Variants in ZNF280D observed in about 807,000 individuals in gnomAD.
The protein encoded by ZNF280D is zinc finger protein 280D.
In ZNF280D, 39 loss-of-function variants were observed where a neutral mutation model predicts 94.7. That is an observed-to-expected ratio of 0.41 (90% CI 0.32 to 0.54). ZNF280D has a LOEUF of 0.54. Among genes scored for constraint, ZNF280D ranks in the 20% least tolerant of loss-of-function variants. ZNF280D has a pLI of 0.22. For missense variants in ZNF280D, 1,090 were observed against 1,149.3 expected, an observed-to-expected ratio of 0.95 and a Z score of 0.75; for synonymous variants, 398 against 377.6, an observed-to-expected ratio of 1.05 and a Z score of -0.63.
At chr15:56,693,069 A>C (rs1171827714) in intron 7 of ZNF280D, 29 bp downstream of exon 7, 1 of 1,356,058 alleles carries the variant, frequency 7.4e-7, no homozygotes, top group African/African-American at 1.4e-5. Flanking sequence ...TCTTTCTATA[A>C]CCTTTATGAA....
intron 1 of ZNF280D, among the ~76,000 whole-genome samples, chr15:56,714,379 C>T (rs971429724): frequency 6.6e-6 from 1 of 152,074 alleles, no homozygotes; most frequent in Non-Finnish European, 1.5e-5. Context: ...ATAATAAGCA[C>T]TCTAAGGAAG....
intron 12 of ZNF280D, among the ~76,000 whole-genome samples, chr15:56,677,139 CAT>C (rs1282662897): frequency 6.6e-6 from 1 of 152,202 alleles, no homozygotes; most frequent in Non-Finnish European, 1.5e-5. Flanking sequence ...TTTTCTGCTA[CAT>C]GAAACAGCAT....
intron 17 of ZNF280D, chr15:56,654,962 G>A (rs1405334471): frequency 2.1e-5 from 5 of 233,924 alleles, no homozygotes; most frequent in Admixed American, 1.8e-4. Context: ...GTCTATGCTC[G>A]AATGGAGCTT....
intron 16 of ZNF280D, among the ~76,000 whole-genome samples, chr15:56,664,944 G>A (rs183858267): frequency 5.1e-4 from 77 of 152,116 alleles, no homozygotes; most frequent in African/African-American, 1.8e-3. Flanking sequence ...CTACTAGGCT[G>A]GAAAAAGGAG....
At chr15:56,719,961 G>A (rs1034446791) in intron 1 of ZNF280D, among the ~76,000 whole-genome samples, 1 of 151,748 alleles carries the variant, frequency 6.6e-6, no homozygotes, top group Non-Finnish European at 1.5e-5. Context: ...GCTGGAGGAA[G>A]GTCCTGCCTC....
In ZNF280D at chr15:56,693,085, T is replaced by C; in HGVS notation, c.499+13A>G. Reference sequence around the variant, plus strand: ...CTTTCTATAACCTTTATGAAAAAAATACTAAAACCAACCTGCCATAGAAAG... The same window carrying C: ...CTTTCTATAACCTTTATGAAAAAAACACTAAAACCAACCTGCCATAGAAAG... On this transcript the variant is annotated intron_variant, in intron 7 of 21. Transcript: ENST00000267807. 6.6e-7 allele frequency: 1 copy of C among 1,526,608 alleles called. No homozygotes were observed. The highest frequency in any genetic ancestry group is 9.0e-7 in the Non-Finnish European group (1 of 1,106,356). The allele number at this position is 1,526,608 out of a possible 1,614,324, so 94.6% of individuals were successfully genotyped here.
At chr15:56,669,318 T>G (rs1003735507) in intron 13 of ZNF280D, among the ~76,000 whole-genome samples, 2 of 152,016 alleles carry the variant, frequency 1.3e-5, no homozygotes, top group Admixed American at 1.3e-4. Context: ...TTATTTCTAA[T>G]TTTTGCTATT....
At chr15:56,666,348 C>A in intron 16 of ZNF280D, 47 bp downstream of exon 16, 1 of 1,581,676 alleles carries the variant, frequency 6.3e-7, no homozygotes, top group East Asian at 2.3e-5. Context: ...CAGAAACTTG[C>A]TGAACTATAA....
intron 1 of ZNF280D, among the ~76,000 whole-genome samples, chr15:56,711,158 T>C (rs1275647815): frequency 4.6e-5 from 7 of 152,222 alleles, no homozygotes; most frequent in African/African-American, 1.7e-4. Context: ...CAATATGATG[T>C]TGGACAAGTT....
chr15:56,647,400 G>C (rs2052956761), intron 19 of ZNF280D, among the ~76,000 whole-genome samples: 1 of 152,162 alleles, frequency 6.6e-6, no homozygotes, highest in Non-Finnish European at 1.5e-5. Flanking sequence ...AGCATTCTTT[G>C]AGGGAAAAAT....
chr15:56,670,009 A>AATATAT (rs1555407792), intron 13 of ZNF280D, among the ~76,000 whole-genome samples: 2 of 2,978 alleles, frequency 6.7e-4, no homozygotes, highest in African/African-American at 3.7e-3. Context: ...ATATATATAT[A>AATATAT]ATATATATAT....
chr15:56,712,564 A>G (rs574177336), intron 1 of ZNF280D, among the ~76,000 whole-genome samples: 1 of 124,520 alleles, frequency 8.0e-6, no homozygotes, highest in Non-Finnish European at 1.6e-5. Context: ...ACTGCACTCC[A>G]GCCTGGGTGA....
At chr15:56,674,572 T>C (rs1368882631) in intron 13 of ZNF280D, among the ~76,000 whole-genome samples, 2 of 152,084 alleles carry the variant, frequency 1.3e-5, no homozygotes, top group Non-Finnish European at 2.9e-5. Context: ...ATTTTGACTC[T>C]GCCTTTATTA....
chr15:56,705,967 T>C (rs512560), intron 3 of ZNF280D, among the ~76,000 whole-genome samples: 1,844 of 150,800 alleles, frequency 0.012, 37 homozygotes, highest in African/African-American at 0.043. Flanking sequence ...GGTATAGGTA[T>C]AGGCTGAACT....
chr15:56,685,821 AG>A (rs1214170064), intron 9 of ZNF280D, among the ~76,000 whole-genome samples: 1 of 152,164 alleles, frequency 6.6e-6, no homozygotes, highest in East Asian at 1.9e-4. Flanking sequence ...TAAAAAAGAG[AG>A]AAAGAAAAAT....
chr15:56,661,950 G>C (rs1437624879), intron 16 of ZNF280D, among the ~76,000 whole-genome samples: 1 of 152,154 alleles, frequency 6.6e-6, no homozygotes, highest in African/African-American at 2.4e-5. Flanking sequence ...CATGTATACA[G>C]TGAAGGTTGG....
rs367769999 is a variant in ZNF280D at position 56,689,834 on chromosome 15, T to G, written c.500-364A>C. Among the ~76,000 whole-genome samples the G allele has an allele frequency of 3.1e-4, 47 of 152,252 alleles. No homozygotes were observed. The South Asian group carries it at 7.9e-3, about 25-fold the overall frequency. Reference sequence around the variant, plus strand: ...GACAAATGAATTATCTTTAGATGCTTAAGTGCATTGAGTACACTAGAGTTT... The same window carrying G: ...GACAAATGAATTATCTTTAGATGCTGAAGTGCATTGAGTACACTAGAGTTT... On this transcript the variant is annotated intron_variant, in intron 7 of 21. Transcript: ENST00000267807.
chr15:56,652,163 T>C (rs1454154330), intron 19 of ZNF280D, among the ~76,000 whole-genome samples: 1 of 152,138 alleles, frequency 6.6e-6, no homozygotes, highest in African/African-American at 2.4e-5. Flanking sequence ...AACTATTAGA[T>C]TCAACTCTTT....
intron 10 of ZNF280D, among the ~76,000 whole-genome samples, chr15:56,681,046 G>T (rs751823510): frequency 4.6e-5 from 7 of 152,162 alleles, no homozygotes; most frequent in Non-Finnish European, 8.8e-5. Context: ...GCTATTGATG[G>T]CCCTTAAAGT....
Sources: gnomAD v4.1 joint callset for allele counts (sites outside exome capture counted in the v4.1 genomes callset) on GRCh38, gnomAD v4.1.1 for gene constraint, MANE v1.5 for transcripts, NCBI Gene and HGNC (gene_info 2026-07-23, HGNC 2026-07-21) for gene names.